The following BBS9 variants were observed in gnomAD, a reference collection of about 807,000 sequenced individuals.
The protein encoded by BBS9 is Bardet-Biedl syndrome 9, also known as protein PTHB1.
Under a neutral mutation model 117.7 loss-of-function variants are expected in BBS9, and 89 were observed. That is an observed-to-expected ratio of 0.76 (90% CI 0.64 to 0.90). The LOEUF (loss-of-function observed/expected upper bound fraction) is 0.90. Ranked by LOEUF, BBS9 falls within the 40% of genes least tolerant of loss-of-function variation. The pLI, the probability that BBS9 is intolerant of heterozygous loss-of-function variation, is 0.00. For missense variants in BBS9, 982 were observed against 1,042.2 expected (o/e 0.94, Z 0.80); for synonymous variants, 379 against 370.9 (o/e 1.02, Z -0.25).
intron 17 of BBS9, among the ~76,000 whole-genome samples, chr7:33,375,010 A>G (rs972712544): frequency 1.3e-5 from 2 of 152,204 alleles, no homozygotes; most frequent in African/African-American, 2.4e-5. Flanking sequence ...CAAAATTTCC[A>G]AATAGCATGA....
chr7:33,238,628 T>C (rs1024667782), intron 5 of BBS9, among the ~76,000 whole-genome samples: 2 of 152,152 alleles, frequency 1.3e-5, no homozygotes, highest in African/African-American at 2.4e-5. Context: ...ACATGCTCAT[T>C]GTAGAAAACT....
chr7:33,589,864 T>C (rs1861560030), intron 21 of BBS9, among the ~76,000 whole-genome samples: 1 of 152,032 alleles, frequency 6.6e-6, no homozygotes, highest in Admixed American at 6.6e-5. Context: ...GCCAGAAGAC[T>C]GGATAAAGTC....
intron 5 of BBS9, among the ~76,000 whole-genome samples, chr7:33,248,333 A>C (rs1795693988): frequency 6.6e-6 from 1 of 152,174 alleles, no homozygotes; most frequent in Non-Finnish European, 1.5e-5. Context: ...ATCTAATTGG[A>C]TATTGCATTA....
chr7:33,444,404 T>C (rs571463406), intron 19 of BBS9, among the ~76,000 whole-genome samples: 3 of 152,350 alleles, frequency 2.0e-5, no homozygotes, highest in South Asian at 4.1e-4. Context: ...TTTTCTGTTT[T>C]CCAATGTGGT....
intron 21 of BBS9, among the ~76,000 whole-genome samples, chr7:33,559,669 A>AC (rs1327888750): frequency 6.6e-6 from 1 of 152,064 alleles, no homozygotes; most frequent in East Asian, 1.9e-4. Flanking sequence ...ATATTATGCA[A>AC]CCCCTATAGA....
chr7:33,538,238 A>G (rs1169689020), intron 21 of BBS9, among the ~76,000 whole-genome samples: 2 of 152,226 alleles, frequency 1.3e-5, no homozygotes, highest in African/African-American at 4.8e-5. Flanking sequence ...AAGGAAGCAA[A>G]GAAGATTTGA....
At chr7:33,457,159 G>C (rs1244805216) in intron 19 of BBS9, among the ~76,000 whole-genome samples, 1 of 152,164 alleles carries the variant, frequency 6.6e-6, no homozygotes, top group Non-Finnish European at 1.5e-5. Flanking sequence ...TTTAGACATT[G>C]TTTACACCGA....
At chr7:33,513,751 A>G (rs1277296613) in intron 20 of BBS9, among the ~76,000 whole-genome samples, 7 of 152,212 alleles carry the variant, frequency 4.6e-5, no homozygotes, top group African/African-American at 1.2e-4. Context: ...ATTCAAGTCA[A>G]TATACACAAA....
chr7:33,313,230 A>C (rs1356484452), intron 9 of BBS9, among the ~76,000 whole-genome samples: 1 of 151,896 alleles, frequency 6.6e-6, no homozygotes, highest in African/African-American at 2.4e-5. Context: ...TATTTATCTT[A>C]TATATCTCTA....
Position 33,257,553 on chromosome 7 carries a change from T to G in BBS9, c.617+143T>G, listed in dbSNP as rs1439817810. Reference sequence around the variant, plus strand: ...AATATGTGATTGTGGTGACTTAGACTATATCATTTACTATTGTAAAATATT... The same window carrying G: ...AATATGTGATTGTGGTGACTTAGACGATATCATTTACTATTGTAAAATATT... On this transcript the variant is annotated intron_variant, in intron 6 of 22. Coordinates refer to ENST00000242067, the MANE Select transcript of BBS9 (RefSeq NM_198428.3). 9.8e-5 allele frequency: 77 copies of G among 788,410 alleles called. No homozygotes were observed. In the South Asian group the frequency reaches 1.1e-3, roughly 12 times the overall value. 48.8% of individuals were successfully genotyped at this position (788,410 alleles called of 1,614,324 possible). A position where few individuals can be genotyped will look rare whatever the true frequency, so the allele number is the denominator to read the frequency against.
intron 19 of BBS9, among the ~76,000 whole-genome samples, chr7:33,452,668 T>A (rs10249379): frequency 1.3e-5 from 2 of 152,226 alleles, no homozygotes; most frequent in African/African-American, 4.8e-5. Flanking sequence ...TACCTACTTA[T>A]ATGTTTAGTG....
At chr7:33,414,241 G>A (rs1400558857) in intron 19 of BBS9, among the ~76,000 whole-genome samples, 2 of 152,066 alleles carry the variant, frequency 1.3e-5, no homozygotes, top group African/African-American at 2.4e-5. Flanking sequence ...AGAGAGAAAA[G>A]GGGAAATGAT....
intron 16 of BBS9, among the ~76,000 whole-genome samples, chr7:33,363,872 A>G (rs183540069): frequency 6.6e-6 from 1 of 151,988 alleles, no homozygotes; most frequent in South Asian, 2.1e-4. Context: ...TGTTAGCCCA[A>G]CCGTGCATTC....
intron 17 of BBS9, among the ~76,000 whole-genome samples, chr7:33,377,140 T>G (rs1824045374): frequency 6.6e-6 from 1 of 152,200 alleles, no homozygotes; most frequent in South Asian, 2.1e-4. Context: ...CCCAGAATGA[T>G]ATTTTCTAGG....
Position 33,520,942 on chromosome 7 carries a change from C to A in BBS9, c.2299-13012C>A, listed in dbSNP as rs576911264. Reference sequence around the variant, plus strand: ...GTCCAAGTGATGTAATTTACCACCACCAGAAACAGCTTTCCCCTGGATTTG... The same window carrying A: ...GTCCAAGTGATGTAATTTACCACCAACAGAAACAGCTTTCCCCTGGATTTG... On this transcript the variant is annotated intron_variant, in intron 20 of 22. Transcript: ENST00000242067. Among the ~76,000 whole-genome samples the A allele has an allele frequency of 5.3e-5, 8 of 152,276 alleles. No homozygotes were observed. In the South Asian group the frequency reaches 1.5e-3, roughly 28 times the overall value.
chr7:33,192,725 G>T (rs956756863), intron 5 of BBS9, among the ~76,000 whole-genome samples: 2 of 152,188 alleles, frequency 1.3e-5, no homozygotes, highest in African/African-American at 4.8e-5. Flanking sequence ...AGGTCTGGAG[G>T]CTGGGAAGTC....
At chr7:33,619,975 C>T (rs1334743348) in intron 21 of BBS9, among the ~76,000 whole-genome samples, 2 of 151,886 alleles carry the variant, frequency 1.3e-5, no homozygotes, top group African/African-American at 2.4e-5. Flanking sequence ...AGACCAAAGT[C>T]AGCATAGGAA....
chr7:33,188,218 C>T (rs1783487580), intron 5 of BBS9, among the ~76,000 whole-genome samples: 1 of 151,688 alleles, frequency 6.6e-6, no homozygotes, highest in African/African-American at 2.4e-5. Flanking sequence ...CATTTTTATC[C>T]TCTTTAATCC....
intron 9 of BBS9, among the ~76,000 whole-genome samples, chr7:33,289,065 C>G (rs141543795): frequency 6.6e-6 from 1 of 152,254 alleles, no homozygotes; most frequent in East Asian, 1.9e-4. Flanking sequence ...TTTGCTTTTA[C>G]TGAAAAACTC....
Sources: gnomAD v4.1 joint callset for allele counts (sites outside exome capture counted in the v4.1 genomes callset) on GRCh38, gnomAD v4.1.1 for gene constraint, MANE v1.5 for transcripts, NCBI Gene and HGNC (gene_info 2026-07-23, HGNC 2026-07-21) for gene names.